The following CDKAL1 variants were observed in gnomAD, a reference collection of about 807,000 sequenced individuals.
The protein encoded by CDKAL1 is CDKAL1 threonylcarbamoyladenosine tRNA methylthiotransferase, also known as threonylcarbamoyladenosine tRNA methylthiotransferase.
CDKAL1 carries 32 observed loss-of-function variants against 68.2 expected under a neutral mutation model. The observed-to-expected ratio is 0.47, with a 90% CI of 0.35 to 0.63. The LOEUF (loss-of-function observed/expected upper bound fraction) is 0.63, where lower values mean the gene tolerates loss of function less well. Ranked by LOEUF, CDKAL1 falls within the 30% of genes least tolerant of loss-of-function variation. The pLI is 0.00. For synonymous variants in CDKAL1, 234 were observed against 244.3 expected, an observed-to-expected ratio of 0.96 and a Z score of 0.39; for missense variants, 606 against 696.7, an observed-to-expected ratio of 0.87 and a Z score of 1.47.
At chr6:20,538,502 T>C (rs1022264445) in intron 2 of CDKAL1, among the ~76,000 whole-genome samples, 1 of 152,240 alleles carries the variant, frequency 6.6e-6, no homozygotes, top group African/African-American at 2.4e-5. Flanking sequence ...CTTCTGCTTC[T>C]CTAACTCTAA....
chr6:20,538,065 A>G (rs908189215), intron 2 of CDKAL1, among the ~76,000 whole-genome samples: 5 of 152,206 alleles, frequency 3.3e-5, no homozygotes, highest in African/African-American at 1.2e-4. Flanking sequence ...CTCGAAGGAT[A>G]TACATATGTT....
intron 9 of CDKAL1, among the ~76,000 whole-genome samples, chr6:20,943,328 C>CAAA (rs34759060): frequency 4.7e-4 from 24 of 51,030 alleles, no homozygotes; most frequent in African/African-American, 9.6e-4. Context: ...CTTGTTTTTT[C>CAAA]AAAAAAAAAA....
chr6:20,702,598 G>A (rs1562037812), intron 5 of CDKAL1, among the ~76,000 whole-genome samples: 1 of 152,180 alleles, frequency 6.6e-6, no homozygotes, highest in South Asian at 2.1e-4. Flanking sequence ...CGGCTGGCCT[G>A]CTGGCCTGCT....
At chr6:21,067,484 C>T (rs1029257612) in intron 12 of CDKAL1, among the ~76,000 whole-genome samples, 8 of 152,118 alleles carry the variant, frequency 5.3e-5, no homozygotes, top group East Asian at 3.9e-4. Flanking sequence ...TGGTGGTGGG[C>T]GCCTGTAGTC....
chr6:20,897,521 C>T (rs1761756938), intron 9 of CDKAL1, among the ~76,000 whole-genome samples: 1 of 152,078 alleles, frequency 6.6e-6, no homozygotes, highest in Non-Finnish European at 1.5e-5. Flanking sequence ...TAACATACAT[C>T]TGTAATATAG....
intron 9 of CDKAL1, among the ~76,000 whole-genome samples, chr6:20,903,945 G>A (rs999347816): frequency 1.3e-5 from 2 of 152,188 alleles, no homozygotes; most frequent in Admixed American, 1.3e-4. Context: ...AATTTCCAGT[G>A]GAAGGCTAGG....
intron 5 of CDKAL1, among the ~76,000 whole-genome samples, chr6:20,667,096 C>G (rs1769584030): frequency 6.6e-6 from 1 of 152,124 alleles, no homozygotes; most frequent in Admixed American, 6.6e-5. Flanking sequence ...TTTCACTGCC[C>G]TTGAAATAAA....
chr6:20,779,881 A>C (rs952693533), intron 7 of CDKAL1, among the ~76,000 whole-genome samples: 2 of 152,130 alleles, frequency 1.3e-5, no homozygotes, highest in Non-Finnish European at 2.9e-5. Flanking sequence ...AAATGTATTT[A>C]AAATCATTGA....
chr6:21,124,687 A>G (rs1006311171), intron 13 of CDKAL1, among the ~76,000 whole-genome samples: 1 of 151,192 alleles, frequency 6.6e-6, no homozygotes, highest in Non-Finnish European at 1.5e-5. Flanking sequence ...GGTCAAATCT[A>G]GATAAATTAT....
chr6:21,108,117 T>C (rs1004471654), intron 12 of CDKAL1, among the ~76,000 whole-genome samples: 3 of 152,192 alleles, frequency 2.0e-5, no homozygotes, highest in African/African-American at 7.2e-5. Flanking sequence ...CTGTTATGTA[T>C]TTTCAAATAC....
At chr6:21,163,391 C>T (rs942473218) in intron 13 of CDKAL1, among the ~76,000 whole-genome samples, 1 of 152,156 alleles carries the variant, frequency 6.6e-6, no homozygotes, top group Non-Finnish European at 1.5e-5. Flanking sequence ...CCAAAACAAA[C>T]ACCCGCTTGG....
chr6:21,126,697 G>T (rs770212763), intron 13 of CDKAL1, among the ~76,000 whole-genome samples: 2 of 152,004 alleles, frequency 1.3e-5, no homozygotes, highest in Non-Finnish European at 2.9e-5. Context: ...CCTATGTTAT[G>T]CTTAATCTGA....
At chr6:21,003,371 T>TATATATATATACACACACACACACAC in intron 11 of CDKAL1, among the ~76,000 whole-genome samples, 1 of 49,296 alleles carries the variant, frequency 2.0e-5, no homozygotes, top group African/African-American at 1.1e-4. Context: ...TATATATATA[T>TATATATATATACACACACACACACAC]ACACACACAC....
intron 2 of CDKAL1, among the ~76,000 whole-genome samples, chr6:20,538,007 C>A (rs1009886483): frequency 6.6e-6 from 1 of 152,094 alleles, no homozygotes; most frequent in Admixed American, 6.6e-5. Flanking sequence ...TGATATGCAG[C>A]GTTATATTTA....
At chr6:21,197,123 A>G (rs558793942) in intron 13 of CDKAL1, among the ~76,000 whole-genome samples, 27 of 151,692 alleles carry the variant, frequency 1.8e-4, no homozygotes, top group African/African-American at 6.3e-4. Context: ...ATGCCACTGA[A>G]CTCTAGCCTG....
chr6:21,159,555 G>A (rs1776810040), intron 13 of CDKAL1, among the ~76,000 whole-genome samples: 1 of 152,188 alleles, frequency 6.6e-6, no homozygotes, highest in South Asian at 2.1e-4. Flanking sequence ...TTACTAGATT[G>A]TAAGTTCCAG....
At chr6:20,669,023 A>G (rs900962325) in intron 5 of CDKAL1, among the ~76,000 whole-genome samples, 3 of 152,192 alleles carry the variant, frequency 2.0e-5, no homozygotes, top group African/African-American at 4.8e-5. Flanking sequence ...CAGGCTGTTG[A>G]TATATCTCTG....
intron 4 of CDKAL1, among the ~76,000 whole-genome samples, chr6:20,625,878 T>G (rs1767407827): frequency 6.6e-6 from 1 of 152,182 alleles, no homozygotes; most frequent in Non-Finnish European, 1.5e-5. Flanking sequence ...TGACCAATTT[T>G]AACTTATTAC....
chr6:20,980,186 A>G (rs980375210), intron 10 of CDKAL1, among the ~76,000 whole-genome samples: 1 of 139,956 alleles, frequency 7.1e-6, no homozygotes, highest in Non-Finnish European at 1.5e-5. Flanking sequence ...GAAGCCTCCA[A>G]AGATAGATAG....
Sources: allele counts gnomAD v4.1 joint callset (sites outside exome capture counted in the v4.1 genomes callset), GRCh38; gene constraint gnomAD v4.1.1; transcripts MANE v1.5; gene names NCBI Gene and HGNC (gene_info 2026-07-23, HGNC 2026-07-21).